Variants in NRXN3 observed in about 807,000 individuals in gnomAD.
The protein encoded by NRXN3 is neurexin III.
A neutral mutation model predicts 137.6 loss-of-function variants in NRXN3; 32 were observed. The observed-to-expected ratio is 0.23, with a 90% CI of 0.18 to 0.31. The LOEUF (loss-of-function observed/expected upper bound fraction) is 0.31. NRXN3 is among the 10% of genes least tolerant of loss of function. The pLI, the probability that NRXN3 is intolerant of heterozygous loss-of-function variation, is 1.00. For missense variants in NRXN3, 1,574 were observed against 2,062.5 expected (o/e 0.76, Z 4.59); for synonymous variants, 798 against 784.5 (o/e 1.02, Z -0.29).
chr14:78,301,178 C>G (rs1489804667), intron 4 of NRXN3, among the ~76,000 whole-genome samples: 1 of 151,730 alleles, frequency 6.6e-6, no homozygotes, highest in East Asian at 1.9e-4. Context: ...ATTTATTTCT[C>G]TTTTTTTCCT....
intron 14 of NRXN3, among the ~76,000 whole-genome samples, chr14:78,972,620 T>C (rs1191884974): frequency 6.6e-6 from 1 of 152,160 alleles, no homozygotes; most frequent in African/African-American, 2.4e-5. Flanking sequence ...CTGTGCTTTG[T>C]CAAGTCTGAT....
At chr14:79,269,920 G>T (rs2079052335) in intron 15 of NRXN3, among the ~76,000 whole-genome samples, 1 of 152,152 alleles carries the variant, frequency 6.6e-6, no homozygotes, top group East Asian at 1.9e-4. Flanking sequence ...CTTAGTCTTG[G>T]ATTCATTTTA....
At chr14:79,017,291 G>A (rs535105218) in intron 15 of NRXN3, among the ~76,000 whole-genome samples, 1 of 151,734 alleles carries the variant, frequency 6.6e-6, no homozygotes, top group South Asian at 2.1e-4. Flanking sequence ...CAAGCAACTG[G>A]TTCTGTTCAT....
At chr14:78,741,465 G>T (rs114819863) in intron 8 of NRXN3, among the ~76,000 whole-genome samples, 1,995 of 152,190 alleles carry the variant, frequency 0.013, 39 homozygotes, top group African/African-American at 0.045. Context: ...GCTTCTCAAC[G>T]TCTCAGTTTT....
At chr14:79,131,745 G>T (rs1004292643) in intron 15 of NRXN3, among the ~76,000 whole-genome samples, 9 of 152,218 alleles carry the variant, frequency 5.9e-5, no homozygotes, top group African/African-American at 2.2e-4. Context: ...ACCTAAGCAA[G>T]CCTGGGCAAT....
intron 4 of NRXN3, among the ~76,000 whole-genome samples, chr14:78,369,887 T>C (rs979300474): frequency 1.3e-5 from 2 of 151,256 alleles, no homozygotes; most frequent in Non-Finnish European, 2.9e-5. Flanking sequence ...TGGCAAATTT[T>C]AAGATCAGCT....
At chr14:78,684,239 G>A (rs2098105128) in intron 6 of NRXN3, among the ~76,000 whole-genome samples, 1 of 152,160 alleles carries the variant, frequency 6.6e-6, no homozygotes, top group Non-Finnish European at 1.5e-5. Flanking sequence ...CCCTGGATGT[G>A]TGGAGTAACA....
intron 10 of NRXN3, among the ~76,000 whole-genome samples, chr14:78,874,693 C>T (rs1174589033): frequency 6.6e-6 from 1 of 152,200 alleles, no homozygotes; most frequent in African/African-American, 2.4e-5. Context: ...CTCTGTGCCA[C>T]TGCTTACCTC....
At chr14:78,632,113 C>CA (rs58767974) in intron 4 of NRXN3, among the ~76,000 whole-genome samples, 9,060 of 74,628 alleles carry the variant, frequency 0.12, 434 homozygotes, top group East Asian at 0.32. Flanking sequence ...GACTCCGTCT[C>CA]AAAAAAAAAA....
chr14:79,281,484 G>A (rs1055619703), intron 15 of NRXN3, among the ~76,000 whole-genome samples: 1 of 152,136 alleles, frequency 6.6e-6, no homozygotes, highest in Non-Finnish European at 1.5e-5. Flanking sequence ...CTAAAGAAAG[G>A]AGCTTCTTAA....
chr14:78,337,320 C>T (rs2081591825), intron 4 of NRXN3, among the ~76,000 whole-genome samples: 2 of 152,086 alleles, frequency 1.3e-5, no homozygotes, highest in Admixed American at 6.6e-5. Flanking sequence ...ATTTTCACAC[C>T]ATCCAAATTC....
At chr14:79,754,552 A>G (rs2099012141) in intron 19 of NRXN3, among the ~76,000 whole-genome samples, 2 of 65,000 alleles carry the variant, frequency 3.1e-5, no homozygotes, top group East Asian at 4.6e-4. Context: ...ATATATATAT[A>G]TATATATATA....
rs1309206352 is a variant in NRXN3 at position 79,863,994 on chromosome 14, AAG to A, written c.*2033_*2034del. 5 of 139,494 alleles carry A rather than the reference AAG, an allele frequency of 3.6e-5. No individual in the cohort carries two copies. Among genetic ancestry groups the A allele is most frequent in the African/African-American group, 1.2e-4 (5 of 40,954 alleles). The allele number at this position is 139,494 out of a possible 1,614,324, so 8.6% of individuals were successfully genotyped here. On this transcript the variant is annotated 3_prime_UTR_variant, in exon 21 of 21. Coordinates refer to ENST00000335750, the MANE Select transcript of NRXN3 (RefSeq NM_001330195.2). ...TCATTATCTAATATTTCAATGTGTT[AAG>A]AGTTTAATTTTTTTGTTATCATTAA... is the stretch of plus-strand genomic sequence containing the variant.
intron 15 of NRXN3, among the ~76,000 whole-genome samples, chr14:79,360,564 T>C (rs895444076): frequency 6.6e-6 from 1 of 152,230 alleles, no homozygotes; most frequent in Non-Finnish European, 1.5e-5. Flanking sequence ...CAGGTTATGC[T>C]GAAAGATGAA....
At chr14:79,113,767 T>C (rs2053935149) in intron 15 of NRXN3, among the ~76,000 whole-genome samples, 2 of 152,190 alleles carry the variant, frequency 1.3e-5, no homozygotes, top group South Asian at 4.1e-4. Flanking sequence ...CTTTTGATAC[T>C]CTTAATCAAT....
chr14:79,380,335 T>C (rs1158886876), intron 15 of NRXN3, among the ~76,000 whole-genome samples: 2 of 151,940 alleles, frequency 1.3e-5, no homozygotes, highest in African/African-American at 2.4e-5. Flanking sequence ...CTCCTAATGC[T>C]ATCCCTCCCC....
In NRXN3 at chr14:79,867,706, A is replaced by T. The variant is rs1447913343; in HGVS notation, c.*5742A>T. 2.0e-5 allele frequency: 3 copies of T among 152,156 alleles called. No individual in the cohort carries two copies. The highest frequency in any genetic ancestry group is 4.4e-5 in the Non-Finnish European group (3 of 68,042). 9.4% of individuals were successfully genotyped at this position (152,156 alleles called of 1,614,324 possible). ...ATTGCAAAGGTTGAAGTTCCAAAGT[A>T]TCAAGGGAATCAGAATTGGGAAGCA... On this transcript the variant is annotated 3_prime_UTR_variant, in exon 21 of 21. Coordinates refer to ENST00000335750, the MANE Select transcript of NRXN3 (RefSeq NM_001330195.2).
At chr14:78,319,545 C>T (rs945429298) in intron 4 of NRXN3, among the ~76,000 whole-genome samples, 2 of 152,176 alleles carry the variant, frequency 1.3e-5, no homozygotes, top group African/African-American at 4.8e-5. Flanking sequence ...ATAGGAAACT[C>T]ATGTGACCCG....
At chr14:79,727,359 C>G (rs909480194) in intron 19 of NRXN3, among the ~76,000 whole-genome samples, 1 of 152,112 alleles carries the variant, frequency 6.6e-6, no homozygotes, top group African/African-American at 2.4e-5. Context: ...CCTGCCTAAT[C>G]AAGTCAGGGA....
Sources: gnomAD v4.1 joint callset for allele counts (sites outside exome capture counted in the v4.1 genomes callset) on GRCh38, gnomAD v4.1.1 for gene constraint, MANE v1.5 for transcripts, NCBI Gene and HGNC (gene_info 2026-07-23, HGNC 2026-07-21) for gene names.